Variants in AP3M1 observed in about 807,000 individuals in gnomAD.
The protein encoded by AP3M1 is AP-3 complex subunit mu-1.
Under a neutral mutation model 42.6 loss-of-function variants are expected in AP3M1, and 29 were observed. That is an observed-to-expected ratio of 0.68 (90% CI 0.51 to 0.93). The LOEUF (loss-of-function observed/expected upper bound fraction) is 0.93. AP3M1 is among the 40% of genes least tolerant of loss of function. The probability of loss-of-function intolerance (pLI) is 0.00; values close to 1 mark genes in which losing one functional copy is unlikely to be tolerated. For synonymous variants in AP3M1, 178 were observed against 175.3 expected (o/e 1.02, Z -0.12); for missense variants, 416 against 510.2 (o/e 0.82, Z 1.78).
At position 74,126,246 on chromosome 10, in the gene AP3M1, T is replaced by C. The variant is rs1293018770; in HGVS notation, c.913A>G (p.Ile305Val). The C allele has an allele frequency of 3.1e-6, 5 of 1,614,196 alleles. No homozygotes were observed. Among genetic ancestry groups the C allele is most frequent in the Middle Eastern group, 1.6e-4 (1 of 6,062 alleles). ...IGPKQNMGKTIEGITVTVHMP... is the reference protein window; with the variant it reads ...IGPKQNMGKTVEGITVTVHMP... ...TGAACTGTCACTGTAATTCCTTCAA[T>C]AGTTTTCCCCATATTCTGCTTTGGT... The change falls in exon 7 of 9, where the codon ATT becomes GTT. Residue 305 changes from isoleucine (I) to valine (V), a missense_variant. By Grantham distance (29) the Ile-to-Val change is conservative (BLOSUM62 3). Coordinates refer to ENST00000355264, the MANE Select transcript of AP3M1 (RefSeq NM_012095.6).
Position 74,129,200 on chromosome 10 carries a change from G to T in AP3M1, c.711C>A (p.Ile237=). The T allele has an allele frequency of 1.9e-6, 3 of 1,614,108 alleles. No homozygotes were observed. The highest frequency in any genetic ancestry group is 2.5e-6 in the Non-Finnish European group (3 of 1,180,018). Residue 237 remains isoleucine, a synonymous_variant, in exon 6 of 9, where the codon ATC becomes ATA. Transcript: ENST00000355264. ...LLDDVSFHPC[I]RFKRWESERV... is the part of the protein sequence containing the mutation. ...TTTCAGATTCCCAACGCTTGAACCG[G>T]ATGCAGGGGTGAAAGCTGACATCAT...
Position 74,123,866 on chromosome 10 carries a change from G to A in AP3M1, c.1201C>T (p.Pro401Ser). Residue 401 changes from proline (P) to serine (S), a missense_variant, in exon 9 of 9, where the codon CCA becomes TCA. Coordinates refer to ENST00000355264, the MANE Select transcript of AP3M1 (RefSeq NM_012095.6). ...GTGACGTATTTGACTCCTTTAAATG[G>A]CTTATATTTCTCCCCATACATGTCC... ...RLDMYGEKYK[P>S]FKGVKYVTKA... is the part of the protein sequence containing the mutation. 1 of 1,614,016 alleles carries A rather than the reference G, an allele frequency of 6.2e-7. No homozygotes were observed. Among genetic ancestry groups the A allele is most frequent in the Non-Finnish European group, 8.5e-7 (1 of 1,179,990 alleles).
intron 1 of AP3M1, among the ~76,000 whole-genome samples, chr10:74,144,627 AT>A: frequency 6.6e-6 from 1 of 151,038 alleles, no homozygotes; most frequent in South Asian, 2.1e-4. Context: ...AGTAGTTAAT[AT>A]ATTGAACAGT....
intron 1 of AP3M1, among the ~76,000 whole-genome samples, chr10:74,145,923 TGA>T (rs1841311968): frequency 6.6e-6 from 1 of 152,206 alleles, no homozygotes; most frequent in Admixed American, 6.5e-5. Flanking sequence ...ATACTGAACT[TGA>T]GAGAATGAGA....
chr10:74,134,793 G>A (rs761932928), intron 3 of AP3M1, among the ~76,000 whole-genome samples: 3 of 152,028 alleles, frequency 2.0e-5, no homozygotes, highest in Admixed American at 6.6e-5. Flanking sequence ...TTTCCCATTC[G>A]AAAGTACTAC....
chr10:74,149,267 G>GTTTT lies in AP3M1; in HGVS notation c.-4+1484_-4+1487dup, dbSNP rs57279906. 2.3e-4 allele frequency among the ~76,000 whole-genome samples: 14 copies of GTTTT among 60,060 alleles called. 3 individuals carry two copies. Among genetic ancestry groups the GTTTT allele is most frequent in the African/African-American group, 4.3e-4 (7 of 16,350 alleles). The allele number at this position is 60,060 out of a possible 152,430, so 39.4% of individuals were successfully genotyped here. On this transcript the variant is annotated intron_variant, in intron 1 of 8. Transcript: ENST00000355264. Reference sequence around the variant, plus strand: ...GAGAGCTTTCCTAAAGATACGTAAGGTTTTTTTTTTTTTTTTTTTTTTTTT... The same window carrying GTTTT: ...GAGAGCTTTCCTAAAGATACGTAAGGTTTTTTTTTTTTTTTTTTTTTTTTTTTTT...
chr10:74,139,913 CAA>C (rs35170560), intron 1 of AP3M1, among the ~76,000 whole-genome samples: 12 of 111,606 alleles, frequency 1.1e-4, no homozygotes, highest in Admixed American at 2.8e-4. Context: ...GACTCCATCT[CAA>C]AAAAAAAAAA....
chr10:74,136,627 C>A lies in AP3M1; in HGVS notation c.445+5G>T. 1.3e-6 allele frequency: 2 copies of A among 1,533,382 alleles called. No individual in the cohort carries two copies. Among genetic ancestry groups the A allele is most frequent in the South Asian group, 1.2e-5 (1 of 81,640 alleles). The allele number at this position is 1,533,382 out of a possible 1,614,324, so 95.0% of individuals were successfully genotyped here. A position where few individuals can be genotyped will look rare whatever the true frequency, so the allele number is the denominator to read the frequency against. ...AGTTACTAGCACAGTATGTTTTCAT[C>A]TTACCTGTAATAGAGTTGACAACAG... On this transcript the variant is annotated splice_donor_5th_base_variant and intron_variant, in intron 3 of 8. Transcript: ENST00000355264.
rs1840432437 is a variant in AP3M1, at chr10:74,120,926, C to T, written c.*2884G>A. On this transcript the variant is annotated 3_prime_UTR_variant, in exon 9 of 9. Coordinates refer to ENST00000355264, the MANE Select transcript of AP3M1 (RefSeq NM_012095.6). ...TAGCTTTTGGGGACATAGTCCTCTT[C>T]TTCCTTAAAGAAACACTGACTAAAA... 6.6e-6 allele frequency: 1 copy of T among 152,156 alleles called. No individual in the cohort carries two copies. The highest frequency in any genetic ancestry group is 1.5e-5 in the Non-Finnish European group (1 of 68,022). The allele number at this position is 152,156 out of a possible 1,614,324, so 9.4% of individuals were successfully genotyped here.
chr10:74,134,984 AT>A (rs902810125), intron 3 of AP3M1, among the ~76,000 whole-genome samples: 1 of 152,052 alleles, frequency 6.6e-6, no homozygotes, highest in Non-Finnish European at 1.5e-5. Context: ...AGAAGGTTGC[AT>A]TTTTTTCTAT....
chr10:74,136,741 G>C lies in AP3M1; in HGVS notation c.336C>G (p.Leu112=), dbSNP rs754521073. The change falls in exon 3 of 9, where the codon CTC becomes CTG. Residue 112 remains leucine, a synonymous_variant. Coordinates refer to ENST00000355264, the MANE Select transcript of AP3M1 (RefSeq NM_012095.6). ...IKDNVVIVYE[L]LEEMLDNGFP... Reference sequence around the variant, plus strand: ...ATCCATTGTCTAACATTTCTTCTAAGAGTTCATATACTATGACCACATTAT... The same window carrying C: ...ATCCATTGTCTAACATTTCTTCTAACAGTTCATATACTATGACCACATTAT... 5.0e-6 allele frequency: 8 copies of C among 1,592,068 alleles called. No individual in the cohort carries two copies. In the Admixed American group the frequency reaches 6.7e-5, roughly 13 times the overall value.
At chr10:74,130,377 G>T (rs948890436) in intron 4 of AP3M1, among the ~76,000 whole-genome samples, 1 of 152,116 alleles carries the variant, frequency 6.6e-6, no homozygotes, top group African/African-American at 2.4e-5. Flanking sequence ...ATTTTTAAGA[G>T]ATAAAGTCTG....
chr10:74,142,254 C>T (rs1841177376), intron 1 of AP3M1, among the ~76,000 whole-genome samples: 1 of 152,178 alleles, frequency 6.6e-6, no homozygotes, highest in Non-Finnish European at 1.5e-5. Flanking sequence ...GTGGCTCAAT[C>T]ATTCCAAGTA....
intron 3 of AP3M1, among the ~76,000 whole-genome samples, 154 bp from the exon 4 acceptor site, chr10:74,134,318 C>A (rs967341632): frequency 2.0e-5 from 3 of 152,202 alleles, no homozygotes; most frequent in African/African-American, 7.2e-5. Context: ...TCCATACCAA[C>A]ATGATCAAAT....
In AP3M1 at chr10:74,124,530, A is replaced by T; in HGVS notation, c.1012-6T>A. The T allele has an allele frequency of 6.3e-7, 1 of 1,576,708 alleles. No homozygotes were observed. Among genetic ancestry groups the T allele is most frequent in the Non-Finnish European group, 8.6e-7 (1 of 1,167,558 alleles). On this transcript the variant is annotated splice_region_variant and splice_polypyrimidine_tract_variant and intron_variant, in intron 7 of 8. Transcript: ENST00000355264. ...CCCACATCCCATGTTAGTACCTTAAAAAGACAAAAAATGAAAAACAAATAG... is the reference window on the plus strand; with the variant it reads ...CCCACATCCCATGTTAGTACCTTAATAAGACAAAAAATGAAAAACAAATAG...
chr10:74,134,174 A>G lies in AP3M1; in HGVS notation c.446-10T>C. The G allele has an allele frequency of 6.2e-7, 1 of 1,609,834 alleles. No individual in the cohort carries two copies. The highest frequency in any genetic ancestry group is 8.5e-7 in the Non-Finnish European group (1 of 1,178,134). On this transcript the variant is annotated splice_polypyrimidine_tract_variant and intron_variant, in intron 3 of 8. Transcript: ENST00000355264. ...CCAACATTACTACTGCCTAGAAACC[A>G]AAAAAGGAGAAGGCAAAGCTGATGT... is the stretch of plus-strand genomic sequence containing the variant.
chr10:74,149,298 TTTTTTTTTC>T, intron 1 of AP3M1, among the ~76,000 whole-genome samples: 7 of 59,238 alleles, frequency 1.2e-4, no homozygotes, highest in Non-Finnish European at 2.1e-4. Context: ...TTTTTTTTTT[TTTTTTTTTC>T]GAGGCAGAGT....
chr10:74,126,010 C>A (rs1840602858), intron 7 of AP3M1, 138 bp downstream of exon 7: 2 of 834,086 alleles, frequency 2.4e-6, no homozygotes, highest in Non-Finnish European at 3.9e-6. Flanking sequence ...GGCAGAAGCA[C>A]AGCACAGTAT....
Position 74,123,629 on chromosome 10 carries a change from T to C in AP3M1, c.*181A>G. On this transcript the variant is annotated 3_prime_UTR_variant, in exon 9 of 9. Coordinates refer to ENST00000355264, the MANE Select transcript of AP3M1 (RefSeq NM_012095.6). Reference sequence around the variant, plus strand: ...AAAATAAGCTAAGTCACTAAAAGGTTTCCTTAGCTTAAAGCTCCTTAAGAA... The same window carrying C: ...AAAATAAGCTAAGTCACTAAAAGGTCTCCTTAGCTTAAAGCTCCTTAAGAA... 3.4e-6 allele frequency: 2 copies of C among 586,986 alleles called. No individual in the cohort carries two copies. Among genetic ancestry groups the C allele is most frequent in the Non-Finnish European group, 6.1e-6 (2 of 329,420 alleles). 36.4% of individuals were successfully genotyped at this position (586,986 alleles called of 1,614,324 possible).
Sources: allele counts gnomAD v4.1 joint callset (sites outside exome capture counted in the v4.1 genomes callset), GRCh38; gene constraint gnomAD v4.1.1; transcripts MANE v1.5; gene names NCBI Gene and HGNC (gene_info 2026-07-23, HGNC 2026-07-21).